Variants in NEBL observed in about 807,000 individuals in gnomAD.
NEBL encodes the protein nebulette.
Under a neutral mutation model 140.2 loss-of-function variants are expected in NEBL, and 122 were observed. That is an observed-to-expected ratio of 0.87 (90% CI 0.75 to 1.01). NEBL has a LOEUF of 1.01. NEBL is among the 50% of genes least tolerant of loss of function. The probability of loss-of-function intolerance (pLI) is 0.00; values close to 1 mark genes in which losing one functional copy is unlikely to be tolerated. For missense variants in NEBL, 1,365 were observed against 1,231.3 expected (o/e 1.11, Z -1.62); for synonymous variants, 436 against 398.9 (o/e 1.09, Z -1.11).
At chr10:21,286,775 G>T (rs1055276268) in intron 1 of NEBL, among the ~76,000 whole-genome samples, 20 of 152,180 alleles carry the variant, frequency 1.3e-4, no homozygotes, top group Middle Eastern at 6.8e-3. Flanking sequence ...GGAGGCGGAG[G>T]TTGCAGTGAG....
intron 2 of NEBL, among the ~76,000 whole-genome samples, chr10:21,054,212 G>A (rs562092230): frequency 7.0e-4 from 107 of 152,232 alleles, no homozygotes; most frequent in Non-Finnish European, 1.3e-3. Context: ...AGGTGGTTTG[G>A]GGTCCACGTA....
intron 3 of NEBL, among the ~76,000 whole-genome samples, chr10:21,247,355 A>T (rs967078909): frequency 4.6e-5 from 7 of 152,216 alleles, no homozygotes; most frequent in Non-Finnish European, 1.5e-5. Context: ...CAGTCTCAAA[A>T]GATTATTTAC....
At chr10:20,991,658 T>C (rs928889673) in intron 3 of NEBL, among the ~76,000 whole-genome samples, 2 of 152,120 alleles carry the variant, frequency 1.3e-5, no homozygotes, top group Non-Finnish European at 2.9e-5. Flanking sequence ...TGCAGTTTGT[T>C]ACATGGGTAT....
chr10:20,980,836 A>C (rs574942684), intron 3 of NEBL, among the ~76,000 whole-genome samples: 1 of 152,378 alleles, frequency 6.6e-6, no homozygotes, highest in South Asian at 2.1e-4. Flanking sequence ...TAAACAAAGC[A>C]TATTTTAAGT....
chr10:21,097,172 G>A (rs967526845), intron 2 of NEBL, among the ~76,000 whole-genome samples: 2 of 149,730 alleles, frequency 1.3e-5, no homozygotes, highest in Admixed American at 6.7e-5. Flanking sequence ...TCAATATCCG[G>A]CCAGGTGCGG....
At chr10:21,070,539 A>C (rs1222060176) in intron 2 of NEBL, among the ~76,000 whole-genome samples, 2 of 152,166 alleles carry the variant, frequency 1.3e-5, no homozygotes, top group African/African-American at 4.8e-5. Context: ...CTAACTATCC[A>C]GTTGCCCTTA....
chr10:20,917,664 A>G (rs1032743102), intron 4 of NEBL, among the ~76,000 whole-genome samples: 5 of 152,240 alleles, frequency 3.3e-5, no homozygotes, highest in Non-Finnish European at 7.3e-5. Context: ...TCCAAGTTCA[A>G]TTAAAACAGG....
Position 20,897,286 on chromosome 10 carries a change from G to A in NEBL, c.-81C>T. On this transcript the variant is annotated 5_prime_UTR_variant, in exon 1 of 28. Transcript: ENST00000377122. ...CATACCACAGTGCCCTTGAGATGCT[G>A]ACGTCTCTGGTGCTCTGGCAGAAAT... 1.3e-6 allele frequency: 2 copies of A among 1,514,866 alleles called. No homozygotes were observed. The highest frequency in any genetic ancestry group is 8.8e-7 in the Non-Finnish European group (1 of 1,140,482). 93.8% of individuals were successfully genotyped at this position (1,514,866 alleles called of 1,614,324 possible). A position where few individuals can be genotyped will look rare whatever the true frequency, so the allele number is the denominator to read the frequency against.
intron 3 of NEBL, among the ~76,000 whole-genome samples, chr10:20,982,590 A>G (rs190791047): frequency 6.6e-6 from 1 of 152,312 alleles, no homozygotes; most frequent in East Asian, 1.9e-4. Context: ...TGTTGAAAAG[A>G]TGTTTTCTGG....
At chr10:21,223,044 T>G (rs10828221) in intron 3 of NEBL, among the ~76,000 whole-genome samples, 43,071 of 152,248 alleles carry the variant, frequency 0.28, 11,063 homozygotes, top group African/African-American at 0.69. Flanking sequence ...ATTACAGGCA[T>G]GAGCCATCGC....
chr10:20,791,507 G>A (rs960350325), intron 26 of NEBL, among the ~76,000 whole-genome samples: 5 of 151,932 alleles, frequency 3.3e-5, no homozygotes, highest in African/African-American at 7.3e-5. Context: ...GGACTCAAGC[G>A]ATCCTCCTGC....
chr10:20,785,341 T>C lies in NEBL; in HGVS notation c.*406A>G. 4.7e-6 allele frequency: 1 copy of C among 211,244 alleles called. No individual in the cohort carries two copies. The highest frequency in any genetic ancestry group is 1.2e-4 in the East Asian group (1 of 8,408). 13.1% of individuals were successfully genotyped at this position (211,244 alleles called of 1,614,324 possible). On this transcript the variant is annotated 3_prime_UTR_variant, in exon 28 of 28. Transcript: ENST00000377122. ...CAAAAGCAAAACGGGTTTGAAATTA[T>C]TGGCTGCATTACAGAGTTAAGAGAA...
upstream of NEBL, among the ~76,000 whole-genome samples, chr10:20,899,957 G>A (rs896382283): frequency 1.3e-5 from 2 of 152,158 alleles, no homozygotes; most frequent in African/African-American, 4.8e-5. Flanking sequence ...CTAAAAAAGT[G>A]TTAAGCCCTG....
At position 21,241,540 on chromosome 10, in the gene NEBL, G is replaced by A. The variant is rs536558989; in HGVS notation, n.348+6381C>T. On this transcript the variant is annotated intron_variant and non_coding_transcript_variant, in intron 3 of 8. Transcript: ENST00000675702. ...GGCTGACATTTCTGCCTTCGTGCCA[G>A]AAAAATGTTCTTAGTGTATACTCTT... Among the ~76,000 whole-genome samples, 26 of 152,290 alleles carry A rather than the reference G, an allele frequency of 1.7e-4. No homozygotes were observed. The South Asian group carries it at 3.1e-3, about 18-fold the overall frequency.
intron 2 of NEBL, among the ~76,000 whole-genome samples, chr10:21,158,615 TC>T (rs1367377096): frequency 6.6e-6 from 1 of 152,146 alleles, no homozygotes; most frequent in Non-Finnish European, 1.5e-5. Context: ...GGGACATGAT[TC>T]CAGTGTTTCA....
At chr10:21,206,968 C>CTTTTTTT (rs1028716031) in intron 3 of NEBL, among the ~76,000 whole-genome samples, 2 of 99,136 alleles carry the variant, frequency 2.0e-5, no homozygotes, top group Non-Finnish European at 4.0e-5. Flanking sequence ...CTTTTTCTTT[C>CTTTTTTT]TTTTTTTTTT....
chr10:20,922,535 G>C (rs1347626139), intron 4 of NEBL, among the ~76,000 whole-genome samples: 1 of 152,168 alleles, frequency 6.6e-6, no homozygotes, highest in Non-Finnish European at 1.5e-5. Context: ...CTTCTCATCA[G>C]CAGGACTGCA....
At chr10:20,813,044 G>T (rs1256186597) in intron 23 of NEBL, 104 bp from the exon 24 acceptor site, 12 of 929,786 alleles carry the variant, frequency 1.3e-5, no homozygotes, top group African/African-American at 4.9e-5. Context: ...CGTGCAGATT[G>T]TCTACATGTA....
At chr10:21,146,485 G>C in intron 2 of NEBL, 2 of 1,613,184 alleles carry the variant, frequency 1.2e-6, no homozygotes, top group Non-Finnish European at 1.7e-6. Context: ...CCATAGAGTA[G>C]ATTCTTCTTT....
Sources: gnomAD v4.1 joint callset for allele counts (sites outside exome capture counted in the v4.1 genomes callset) on GRCh38, gnomAD v4.1.1 for gene constraint, MANE v1.5 for transcripts, NCBI Gene and HGNC (gene_info 2026-07-23, HGNC 2026-07-21) for gene names.